GRM1: variants seen among roughly 807,000 people sequenced by gnomAD.
GRM1 encodes the protein metabotropic glutamate receptor 1.
GRM1 carries 33 observed loss-of-function variants against 90.9 expected under a neutral mutation model. The ratio of observed to expected loss-of-function variants is 0.36; its 90% CI spans 0.28 to 0.49. GRM1 has a LOEUF of 0.49. Ranked by LOEUF, GRM1 falls within the 20% of genes least tolerant of loss-of-function variation. The pLI is 0.99. For missense variants in GRM1, 1,190 were observed against 1,534.3 expected (o/e 0.78, Z 3.75); for synonymous variants, 700 against 613.2 (o/e 1.14, Z -2.09).
At chr6:146,141,108 A>G (rs1431736692) in intron 1 of GRM1, among the ~76,000 whole-genome samples, 3 of 152,032 alleles carry the variant, frequency 2.0e-5, no homozygotes, top group Non-Finnish European at 2.9e-5. Flanking sequence ...GAAAGTTTTT[A>G]TTTTTTCTTC....
At chr6:146,220,856 T>C (rs1422527727) in intron 2 of GRM1, among the ~76,000 whole-genome samples, 1 of 151,804 alleles carries the variant, frequency 6.6e-6, no homozygotes, top group Non-Finnish European at 1.5e-5. Flanking sequence ...ACCTCAAGTA[T>C]CAGAAATGCA....
At chr6:146,173,691 G>T in intron 2 of GRM1, among the ~76,000 whole-genome samples, 1 of 143,402 alleles carries the variant, frequency 7.0e-6, no homozygotes, top group Non-Finnish European at 1.5e-5. Flanking sequence ...TTTCGAGACA[G>T]AGTCTCGCCC....
At chr6:146,087,427 G>A (rs149096391) in intron 1 of GRM1, among the ~76,000 whole-genome samples, 1,759 of 152,148 alleles carry the variant, frequency 0.012, 39 homozygotes, top group African/African-American at 0.04. Flanking sequence ...GATTTCACTA[G>A]CTTTACGTGC....
At chr6:146,363,125 T>C (rs1775553206) in intron 5 of GRM1, among the ~76,000 whole-genome samples, 1 of 152,214 alleles carries the variant, frequency 6.6e-6, no homozygotes, top group African/African-American at 2.4e-5. Flanking sequence ...TTATAATTTC[T>C]AATAATATCC....
At chr6:146,125,559 T>G (rs1265644133) in intron 1 of GRM1, among the ~76,000 whole-genome samples, 3 of 152,108 alleles carry the variant, frequency 2.0e-5, no homozygotes, top group South Asian at 2.1e-4. Context: ...TGTCATCATT[T>G]GATTCTTAGA....
intron 1 of GRM1, among the ~76,000 whole-genome samples, chr6:146,148,475 G>C (rs1777196081): frequency 6.6e-6 from 1 of 151,930 alleles, no homozygotes. Context: ...TATTTTCCCT[G>C]ACATTGAGTA....
intron 3 of GRM1, among the ~76,000 whole-genome samples, chr6:146,322,852 T>C (rs1430200697): frequency 6.6e-6 from 1 of 151,110 alleles, no homozygotes; most frequent in South Asian, 2.1e-4. Context: ...GAACATGTGG[T>C]GTTTGTTTTT....
intron 7 of GRM1, among the ~76,000 whole-genome samples, chr6:146,422,902 A>G (rs75527657): frequency 0.023 from 3,446 of 151,436 alleles, 128 homozygotes; most frequent in African/African-American, 0.078. Flanking sequence ...AAAAGGAAGA[A>G]AGGAAAGGAA....
chr6:146,076,738 G>A (rs575413115), intron 1 of GRM1, among the ~76,000 whole-genome samples: 2 of 152,214 alleles, frequency 1.3e-5, no homozygotes, highest in South Asian at 4.1e-4. Context: ...TGAAGTTGAG[G>A]TGAGAGATCT....
chr6:146,249,521 TG>T (rs1269470347), intron 2 of GRM1, among the ~76,000 whole-genome samples: 2 of 152,092 alleles, frequency 1.3e-5, no homozygotes, highest in Non-Finnish European at 2.9e-5. Flanking sequence ...GGCCTATGGG[TG>T]CACAGAAAAC....
At chr6:146,256,385 C>A (rs1320461211) in intron 2 of GRM1, among the ~76,000 whole-genome samples, 1 of 152,140 alleles carries the variant, frequency 6.6e-6, no homozygotes, top group African/African-American at 2.4e-5. Flanking sequence ...GTGAGTTCCT[C>A]CACTATACCA....
chr6:146,220,640 A>G (rs1780028713), intron 2 of GRM1, among the ~76,000 whole-genome samples: 1 of 151,930 alleles, frequency 6.6e-6, no homozygotes, highest in African/African-American at 2.4e-5. Context: ...CCTCTTACCC[A>G]TTCTTCCTTT....
intron 7 of GRM1, among the ~76,000 whole-genome samples, chr6:146,423,179 A>G (rs1242961005): frequency 6.6e-6 from 1 of 152,228 alleles, no homozygotes; most frequent in Non-Finnish European, 1.5e-5. Context: ...CCCATATGCT[A>G]CATTTTCCCT....
intron 5 of GRM1, among the ~76,000 whole-genome samples, chr6:146,381,542 C>T (rs1776318452): frequency 6.6e-6 from 1 of 152,180 alleles, no homozygotes; most frequent in Non-Finnish European, 1.5e-5. Context: ...TTTTTTCTGA[C>T]TCTACAGTGC....
intron 2 of GRM1, among the ~76,000 whole-genome samples, chr6:146,248,127 C>A (rs555319418): frequency 6.6e-6 from 1 of 152,032 alleles, no homozygotes; most frequent in South Asian, 2.1e-4. Flanking sequence ...TGCTTCCTCC[C>A]TTCCTTTCTC....
At chr6:146,070,769 T>C (rs749058053) in intron 1 of GRM1, among the ~76,000 whole-genome samples, 6 of 152,280 alleles carry the variant, frequency 3.9e-5, no homozygotes, top group Non-Finnish European at 8.8e-5. Context: ...AGCAGAATCA[T>C]GACCTTACTA....
chr6:146,258,380 T>G (rs777816254), intron 2 of GRM1, among the ~76,000 whole-genome samples: 12 of 152,116 alleles, frequency 7.9e-5, no homozygotes, highest in Non-Finnish European at 1.5e-4. Context: ...CCAAGAGGGT[T>G]TTTTCCTGGC....
At chr6:146,156,092 T>C (rs1777518230) in intron 1 of GRM1, among the ~76,000 whole-genome samples, 1 of 152,092 alleles carries the variant, frequency 6.6e-6, no homozygotes, top group South Asian at 2.1e-4. Flanking sequence ...TATGTGCCAG[T>C]CTCCTAGCTA....
chr6:146,302,898 A>AAGGG (rs760605492), intron 2 of GRM1, among the ~76,000 whole-genome samples: 15 of 151,562 alleles, frequency 9.9e-5, no homozygotes, highest in Admixed American at 5.9e-4. Context: ...CGAAGGGAGG[A>AAGGG]AGGGAGGGAG....
Sources: gnomAD v4.1 joint callset for allele counts (sites outside exome capture counted in the v4.1 genomes callset) on GRCh38, gnomAD v4.1.1 for gene constraint, MANE v1.5 for transcripts, NCBI Gene and HGNC (gene_info 2026-07-23, HGNC 2026-07-21) for gene names.